The following MAP4K5 variants were observed in gnomAD, a reference collection of about 807,000 sequenced individuals.
MAP4K5 encodes the protein mitogen-activated protein kinase kinase kinase kinase 5, also known as MAPK/ERK kinase kinase kinase 5.
MAP4K5 carries 82 observed loss-of-function variants against 135.6 expected under a neutral mutation model. The observed-to-expected ratio is 0.60, with a 90% CI of 0.51 to 0.73. The LOEUF is 0.73. MAP4K5 is among the 30% of genes least tolerant of loss of function. The pLI, the probability that MAP4K5 is intolerant of heterozygous loss-of-function variation, is 0.00. For synonymous variants in MAP4K5, 347 were observed against 335.0 expected, an observed-to-expected ratio of 1.04 and a Z score of -0.39; for missense variants, 907 against 1,010.9, an observed-to-expected ratio of 0.90 and a Z score of 1.39.
chr14:50,510,237 T>C (rs1031338152), intron 2 of MAP4K5, among the ~76,000 whole-genome samples: 3 of 152,328 alleles, frequency 2.0e-5, no homozygotes, highest in South Asian at 2.1e-4. Context: ...CTCTGAGAGT[T>C]TGGAACAATT....
chr14:50,468,804 A>G, intron 9 of MAP4K5, 22 bp from the exon 10 acceptor site: 1 of 1,590,746 alleles, frequency 6.3e-7, no homozygotes, highest in Non-Finnish European at 8.6e-7. Context: ...CAATGAATAC[A>G]ACATTTTTGT....
chr14:50,512,776 G>C (rs899219375), intron 2 of MAP4K5, among the ~76,000 whole-genome samples: 3 of 152,058 alleles, frequency 2.0e-5, no homozygotes, highest in African/African-American at 7.2e-5. Context: ...ATACAAATTC[G>C]CGCTATAATC....
At chr14:50,547,000 C>T (rs553783847) in intron 1 of MAP4K5, among the ~76,000 whole-genome samples, 1 of 152,226 alleles carries the variant, frequency 6.6e-6, no homozygotes, top group South Asian at 2.1e-4. Flanking sequence ...CCCCCACCCC[C>T]CAACAGGCCC....
chr14:50,439,732 A>T (rs1051533927), intron 23 of MAP4K5, among the ~76,000 whole-genome samples: 2 of 152,084 alleles, frequency 1.3e-5, no homozygotes, highest in African/African-American at 4.8e-5. Flanking sequence ...GTGATAGTGG[A>T]GGAGGCTGAG....
intron 2 of MAP4K5, 90 bp downstream of exon 2, chr14:50,531,852 C>A: frequency 1.1e-6 from 1 of 929,704 alleles, no homozygotes; most frequent in Non-Finnish European, 1.7e-6. Flanking sequence ...ATAAAAGCAT[C>A]CTCCTCTCGC....
At chr14:50,552,815 A>G (rs1442401567) in intron 1 of MAP4K5, among the ~76,000 whole-genome samples, 2 of 152,234 alleles carry the variant, frequency 1.3e-5, no homozygotes, top group African/African-American at 4.8e-5. Context: ...AGCCACATGT[A>G]GAATGAAACT....
chr14:50,435,234 TTA>T (rs1316189674), intron 26 of MAP4K5, among the ~76,000 whole-genome samples, 169 bp from the exon 27 acceptor site: 1 of 152,208 alleles, frequency 6.6e-6, no homozygotes. Flanking sequence ...CAATTTTAAA[TTA>T]TATATGTTTA....
chr14:50,475,650 T>A (rs2037079820), intron 8 of MAP4K5, among the ~76,000 whole-genome samples: 1 of 152,178 alleles, frequency 6.6e-6, no homozygotes. Context: ...AAGTACACAG[T>A]GAGCTATGAC....
intron 9 of MAP4K5, among the ~76,000 whole-genome samples, chr14:50,469,354 C>T (rs77387987): frequency 0.015 from 2,324 of 152,246 alleles, 48 homozygotes; most frequent in African/African-American, 0.052. Context: ...ACAAATAAGT[C>T]TGTAATGGAC....
chr14:50,504,997 G>A, intron 2 of MAP4K5, 140 bp from the exon 3 acceptor site: 1 of 533,326 alleles, frequency 1.9e-6, no homozygotes, highest in East Asian at 3.3e-5. Context: ...AAAATGCTGA[G>A]CAAACTCATT....
intron 3 of MAP4K5, among the ~76,000 whole-genome samples, chr14:50,487,021 T>G (rs560490363): frequency 6.8e-4 from 104 of 152,316 alleles, no homozygotes; most frequent in Admixed American, 2.0e-3. Flanking sequence ...TCAGAGATAT[T>G]TTTTCCCTTT....
At chr14:50,490,097 GAGAC>G (rs924725112) in intron 3 of MAP4K5, among the ~76,000 whole-genome samples, 12 of 147,070 alleles carry the variant, frequency 8.2e-5, no homozygotes, top group Middle Eastern at 3.4e-3. Flanking sequence ...GTGAGAGAGA[GAGAC>G]AGACAGAGAG....
At chr14:50,489,505 C>T (rs552177091) in intron 3 of MAP4K5, among the ~76,000 whole-genome samples, 1 of 152,288 alleles carries the variant, frequency 6.6e-6, no homozygotes, top group Admixed American at 6.5e-5. Flanking sequence ...TAGTACCTTA[C>T]ATTTAATACA....
intron 2 of MAP4K5, among the ~76,000 whole-genome samples, chr14:50,507,492 T>A (rs1314751595): frequency 6.6e-6 from 1 of 152,258 alleles, no homozygotes; most frequent in African/African-American, 2.4e-5. Flanking sequence ...TTTAGTGCTA[T>A]AAATTTCCTT....
chr14:50,512,782 T>C (rs1169703676), intron 2 of MAP4K5, among the ~76,000 whole-genome samples: 1 of 152,186 alleles, frequency 6.6e-6, no homozygotes, highest in East Asian at 1.9e-4. Flanking sequence ...ATTCGCGCTA[T>C]AATCCAAAAG....
chr14:50,455,566 T>C (rs1489602537), intron 14 of MAP4K5, among the ~76,000 whole-genome samples: 2 of 152,044 alleles, frequency 1.3e-5, no homozygotes, highest in Non-Finnish European at 2.9e-5. Flanking sequence ...AAAGGCCTGA[T>C]TGAAACAACT....
chr14:50,425,096 C>T (rs12891870), intron 31 of MAP4K5, among the ~76,000 whole-genome samples: 28,859 of 152,116 alleles, frequency 0.19, 3,384 homozygotes, highest in Middle Eastern at 0.28. Flanking sequence ...TAAGTAAGTT[C>T]ACAAACTTGT....
At chr14:50,554,373 T>G (rs2038739768) in intron 1 of MAP4K5, among the ~76,000 whole-genome samples, 1 of 152,240 alleles carries the variant, frequency 6.6e-6, no homozygotes, top group African/African-American at 2.4e-5. Flanking sequence ...ACTGTAGATG[T>G]GGCTTGTACG....
At chr14:50,442,837 T>C (rs1246943086) in intron 20 of MAP4K5, 21 bp from the exon 21 acceptor site, 1 of 1,406,038 alleles carries the variant, frequency 7.1e-7, no homozygotes, top group African/African-American at 1.4e-5. Context: ...AAGAAAGAAA[T>C]GTTAACTTAT....
Sources: allele counts gnomAD v4.1 joint callset (sites outside exome capture counted in the v4.1 genomes callset), GRCh38; gene constraint gnomAD v4.1.1; transcripts MANE v1.5; gene names NCBI Gene and HGNC (gene_info 2026-07-23, HGNC 2026-07-21).